Variants in TECPR2 observed in about 807,000 individuals in gnomAD.
TECPR2 encodes tectonin beta-propeller repeat-containing protein 2.
In TECPR2, 65 loss-of-function variants were observed where a neutral mutation model predicts 138.1. That is an observed-to-expected ratio of 0.47 (90% CI 0.39 to 0.58). The LOEUF (loss-of-function observed/expected upper bound fraction) is 0.58. Ranked by LOEUF, TECPR2 falls within the 20% of genes least tolerant of loss-of-function variation. The pLI is 0.00. For synonymous variants in TECPR2, 746 were observed against 749.8 expected, an observed-to-expected ratio of 0.99 and a Z score of 0.08; for missense variants, 1,553 against 1,824.5, an observed-to-expected ratio of 0.85 and a Z score of 2.71.
chr14:102,410,222 A>G (rs1888789173), intron 4 of TECPR2, among the ~76,000 whole-genome samples: 1 of 152,208 alleles, frequency 6.6e-6, no homozygotes, highest in African/African-American at 2.4e-5. Context: ...GAGAAGAGTG[A>G]GTGGCATTGA....
At chr14:102,498,006 G>T in intron 19 of TECPR2, 97 bp from the exon 20 acceptor site, 1 of 827,102 alleles carries the variant, frequency 1.2e-6, no homozygotes, top group Non-Finnish European at 1.8e-6. Context: ...CCTAGAATGT[G>T]GCAAGCCCAG....
intron 7 of TECPR2, 111 bp downstream of exon 7, chr14:102,428,493 G>C: frequency 6.7e-7 from 1 of 1,502,978 alleles, no homozygotes; most frequent in Non-Finnish European, 9.0e-7. Flanking sequence ...AGGCATGGTG[G>C]CTCACGCCTG....
intron 7 of TECPR2, among the ~76,000 whole-genome samples, chr14:102,429,191 A>C (rs1256168102): frequency 1.3e-5 from 2 of 152,180 alleles, no homozygotes; most frequent in African/African-American, 4.8e-5. Context: ...ATTTCTTGAA[A>C]GTCACCTACT....
At chr14:102,496,838 G>A (rs1396102011) in intron 17 of TECPR2, 141 bp from the exon 18 acceptor site, 4 of 1,273,434 alleles carry the variant, frequency 3.1e-6, no homozygotes, top group Non-Finnish European at 4.3e-6. Context: ...ACTAGGGGCA[G>A]GACGTGGCCT....
At position 102,415,049 on chromosome 14, in the gene TECPR2, A is replaced by ACT. The variant is rs1888987583; in HGVS notation, c.638+257_638+258insTC. On this transcript the variant is annotated intron_variant, in intron 5 of 19. Transcript: ENST00000359520. This position sits in a 1 kb window ranked among gnomAD's most constrained non-coding sequence, Gnocchi z 4.3. ...CAGCCACTCTGCCTCTCAGGGTGCC[A>ACT]CAGTCAGCGCAGAGAAGCCTCAGGG... 6.6e-6 allele frequency among the ~76,000 whole-genome samples: 1 copy of ACT among 152,146 alleles called. No homozygotes were observed. The highest frequency in any genetic ancestry group is 1.9e-4 in the East Asian group (1 of 5,184).
chr14:102,476,027 C>G (rs1309232515), intron 17 of TECPR2, among the ~76,000 whole-genome samples: 1 of 151,930 alleles, frequency 6.6e-6, no homozygotes, highest in Non-Finnish European at 1.5e-5. Flanking sequence ...GCCAACATGG[C>G]AAAACCTCAT....
At chr14:102,461,510 A>AT (rs762405328) in intron 16 of TECPR2, among the ~76,000 whole-genome samples, 9 of 151,974 alleles carry the variant, frequency 5.9e-5, no homozygotes, top group Non-Finnish European at 8.8e-5. Flanking sequence ...TAATTAAAGC[A>AT]TTTTTTTAAA....
In TECPR2 at chr14:102,498,349, C is replaced by T; in HGVS notation, c.*92C>T. The T allele has an allele frequency of 6.9e-7, 1 of 1,443,810 alleles. No homozygotes were observed. Among genetic ancestry groups the T allele is most frequent in the South Asian group, 1.4e-5 (1 of 73,842 alleles). The allele number at this position is 1,443,810 out of a possible 1,614,324, so 89.4% of individuals were successfully genotyped here. A position where few individuals can be genotyped will look rare whatever the true frequency, so the allele number is the denominator to read the frequency against. On this transcript the variant is annotated 3_prime_UTR_variant, in exon 20 of 20. Transcript: ENST00000359520. ...CTCCCTGGTGGACGCGCTGCCTCAA[C>T]ACTTGTCCAGACACCTCTGGCCAGG...
At chr14:102,429,861 C>G (rs1053205239) in intron 7 of TECPR2, among the ~76,000 whole-genome samples, 7 of 152,250 alleles carry the variant, frequency 4.6e-5, no homozygotes, top group Admixed American at 4.6e-4. Flanking sequence ...ATGCTCCCAT[C>G]TGCCCTGTCT....
chr14:102,496,302 G>C (rs1462579463), intron 17 of TECPR2, among the ~76,000 whole-genome samples: 1 of 152,156 alleles, frequency 6.6e-6, no homozygotes, highest in Non-Finnish European at 1.5e-5. Context: ...CTGTGCTCGC[G>C]GGCATGGAGG....
intron 4 of TECPR2, among the ~76,000 whole-genome samples, chr14:102,409,262 T>A (rs1314525272): frequency 6.6e-6 from 1 of 152,164 alleles, no homozygotes; most frequent in Non-Finnish European, 1.5e-5. Context: ...TTCTTTTTCT[T>A]ATTTGTAGCC....
At position 102,397,930 on chromosome 14, in the gene TECPR2, G is replaced by T. The variant is rs550704012; in HGVS notation, c.220-9408G>T. 9.9e-5 allele frequency among the ~76,000 whole-genome samples: 15 copies of T among 151,790 alleles called. No homozygotes were observed. In the East Asian group the frequency reaches 2.5e-3, roughly 25 times the overall value. On this transcript the variant is annotated intron_variant, in intron 2 of 19. Coordinates refer to ENST00000359520, the MANE Select transcript of TECPR2 (RefSeq NM_014844.5). ...CTAGTAAATAAGACAAAAATTAGCT[G>T]GGCGTGGTGGCACAAGCATGTAGTC...
intron 1 of TECPR2, among the ~76,000 whole-genome samples, chr14:102,367,419 T>A (rs1037766357): frequency 6.6e-6 from 1 of 152,170 alleles, no homozygotes; most frequent in African/African-American, 2.4e-5. Flanking sequence ...CCTAACCCCT[T>A]CTTCTCCCAG....
At chr14:102,497,542 G>T in intron 18 of TECPR2, 28 bp from the exon 19 acceptor site, 1 of 1,536,470 alleles carries the variant, frequency 6.5e-7, no homozygotes, top group Non-Finnish European at 8.8e-7. Context: ...CATGGCAGGG[G>T]CTCAGGAGGG....
chr14:102,484,837 T>C (rs1170152199), intron 17 of TECPR2, among the ~76,000 whole-genome samples: 608 of 150,828 alleles, frequency 4.0e-3, no homozygotes, highest in African/African-American at 0.015. Flanking sequence ...TTTGTATTTT[T>C]GGTAGAGACA....
intron 4 of TECPR2, among the ~76,000 whole-genome samples, chr14:102,413,930 G>A (rs1167412869): frequency 2.0e-5 from 3 of 151,638 alleles, no homozygotes; most frequent in Non-Finnish European, 4.4e-5. Flanking sequence ...CCCAAGTAGC[G>A]GGGACCATAG....
intron 16 of TECPR2, among the ~76,000 whole-genome samples, chr14:102,459,515 C>T (rs1323413375): frequency 1.3e-5 from 2 of 152,116 alleles, no homozygotes; most frequent in Non-Finnish European, 2.9e-5. Context: ...CATGGTGGCT[C>T]ACACCTGTAA....
chr14:102,428,200 G>A (rs771352657), intron 6 of TECPR2, 50 bp from the exon 7 acceptor site: 15 of 1,460,264 alleles, frequency 1.0e-5, no homozygotes, highest in South Asian at 4.1e-5. Context: ...AGCTGTTACC[G>A]TTGTTTAGTT....
intron 14 of TECPR2, 41 bp downstream of exon 14, chr14:102,449,910 A>T: frequency 6.2e-7 from 1 of 1,601,168 alleles, no homozygotes; most frequent in Non-Finnish European, 8.5e-7. Context: ...CTTTATAGGC[A>T]GCCTCACTTT....
Sources: allele counts gnomAD v4.1 joint callset (sites outside exome capture counted in the v4.1 genomes callset), GRCh38; gene constraint gnomAD v4.1.1; non-coding constraint Gnocchi (gnomAD v3.1); transcripts MANE v1.5; gene names NCBI Gene and HGNC (gene_info 2026-07-23, HGNC 2026-07-21).